The following CYFIP1 variants were observed in gnomAD, a reference collection of about 807,000 sequenced individuals.
The protein encoded by CYFIP1 is cytoplasmic FMR1-interacting protein 1.
In CYFIP1, 58 loss-of-function variants were observed where a neutral mutation model predicts 163.5. The observed-to-expected ratio is 0.35, with a 90% confidence interval of 0.29 to 0.44. The LOEUF is 0.44. Ranked by LOEUF, CYFIP1 falls within the 20% of genes least tolerant of loss-of-function variation. CYFIP1 has a pLI of 1.00. For synonymous variants in CYFIP1, 663 were observed against 660.7 expected (o/e 1.00, Z -0.05); for missense variants, 1,338 against 1,653.8 (o/e 0.81, Z 3.31).
chr15:22,908,505 A>C (rs1229722769), intron 21 of CYFIP1, among the ~76,000 whole-genome samples: 1 of 146,856 alleles, frequency 6.8e-6, no homozygotes, highest in Non-Finnish European at 1.5e-5. Flanking sequence ...CTTGGTCCCT[A>C]AAGAAGATAT....
chr15:22,920,492 G>C (rs749464493), intron 13 of CYFIP1, among the ~76,000 whole-genome samples: 2 of 151,970 alleles, frequency 1.3e-5, no homozygotes, highest in Non-Finnish European at 2.9e-5. Flanking sequence ...CTGATTCATG[G>C]GTAAATGAAG....
intron 1 of CYFIP1, among the ~76,000 whole-genome samples, chr15:22,955,910 C>T (rs1276178407): frequency 7.1e-6 from 1 of 141,348 alleles, no homozygotes; most frequent in Non-Finnish European, 1.6e-5. Flanking sequence ...AGTGAATCAA[C>T]AGAATTTTTT....
intron 25 of CYFIP1, among the ~76,000 whole-genome samples, chr15:22,880,645 TGACCGCA>T (rs1201319762): frequency 6.6e-6 from 1 of 152,188 alleles, no homozygotes; most frequent in Non-Finnish European, 1.5e-5. Flanking sequence ...AACCGGCAGC[TGACCGCA>T]CAATGAACGT....
intron 1 of CYFIP1, among the ~76,000 whole-genome samples, chr15:22,974,416 A>G (rs2063199675): frequency 6.6e-6 from 1 of 152,162 alleles, no homozygotes; most frequent in African/African-American, 2.4e-5. Flanking sequence ...ATCTCCATTT[A>G]AAAAATAATT....
At position 22,926,218 on chromosome 15, in the gene CYFIP1, G is replaced by A. The variant is rs147740416; in HGVS notation, c.1234-111C>T. The A allele has an allele frequency of 9.9e-4, 1,490 of 1,503,468 alleles. 5 individuals are homozygous for A. The highest frequency in any genetic ancestry group is 1.0e-3 in the Non-Finnish European group (1,124 of 1,104,432). 93.1% of individuals were successfully genotyped at this position (1,503,468 alleles called of 1,614,324 possible). ...CCAGGCCAGCCTTCAAACCTTTGCTGCATTCTGAAAGTCACACATGAGGGC... is the reference window on the plus strand; with the variant it reads ...CCAGGCCAGCCTTCAAACCTTTGCTACATTCTGAAAGTCACACATGAGGGC... On this transcript the variant is annotated intron_variant, in intron 12 of 30. Coordinates refer to ENST00000617928, the MANE Select transcript of CYFIP1 (RefSeq NM_014608.6).
rs530317169 is a variant in CYFIP1, at chr15:22,867,581, G to A, written c.*2447C>T. On this transcript the variant is annotated 3_prime_UTR_variant, in exon 31 of 31. Transcript: ENST00000617928. Reference sequence around the variant, plus strand: ...CATGATGCCTGGAACCTTGATTACCGTTTTACATCAGCTCTTGTACTTTTC... The same window carrying A: ...CATGATGCCTGGAACCTTGATTACCATTTTACATCAGCTCTTGTACTTTTC... The A allele has an allele frequency of 2.2e-4, 42 of 188,306 alleles. No homozygotes were observed. Among genetic ancestry groups the A allele is most frequent in the South Asian group, 3.9e-4 (2 of 5,122 alleles). The allele number at this position is 188,306 out of a possible 1,614,324, so 11.7% of individuals were successfully genotyped here. A position where few individuals can be genotyped will look rare whatever the true frequency, so the allele number is the denominator to read the frequency against.
intron 1 of CYFIP1, among the ~76,000 whole-genome samples, chr15:22,952,202 G>A (rs1263835458): frequency 6.6e-6 from 1 of 152,118 alleles, no homozygotes; most frequent in Non-Finnish European, 1.5e-5. Flanking sequence ...GAGACAGAAA[G>A]GAGAACAGTG....
intron 26 of CYFIP1, among the ~76,000 whole-genome samples, chr15:22,879,030 T>G (rs2059669679): frequency 1.3e-5 from 2 of 151,440 alleles, no homozygotes; most frequent in Non-Finnish European, 2.9e-5. Context: ...CAGCTACTTC[T>G]GAGGCGGAGG....
rs199855104 is a variant in CYFIP1, at chr15:22,872,984, A to C, written c.3450-12T>G. 53 of 1,612,624 alleles carry C rather than the reference A, an allele frequency of 3.3e-5. No individual in the cohort carries two copies. The highest frequency in any genetic ancestry group is 9.4e-5 in the African/African-American group (7 of 74,832). ...CACCAAAGCACTGCCTAGGAACAAG[A>C]AGCAGAAACAGAATGGGAGATGAGT... On this transcript the variant is annotated splice_polypyrimidine_tract_variant and intron_variant, in intron 29 of 30. Transcript: ENST00000617928.
At chr15:22,875,090 G>A in intron 27 of CYFIP1, 109 bp downstream of exon 27, 2 of 992,682 alleles carry the variant, frequency 2.0e-6, no homozygotes, top group Non-Finnish European at 3.2e-6. Flanking sequence ...TGACTGAACA[G>A]GCGCCAAACC....
intron 4 of CYFIP1, 91 bp downstream of exon 4, chr15:22,944,771 G>C (rs1385436291): frequency 1.3e-6 from 2 of 1,520,940 alleles, no homozygotes; most frequent in African/African-American, 1.4e-5. Flanking sequence ...ACTGGGAGGA[G>C]AGTGGGCCAG....
rs2060823927 is a variant in CYFIP1 at position 22,912,551 on chromosome 15, T to C, written c.1986-276A>G. On this transcript the variant is annotated intron_variant, in intron 17 of 30. Transcript: ENST00000617928. Reference sequence around the variant, plus strand: ...CTCCACCTGCCTGCATCTTCTCACTTAGCAGACTTTAAAATATTTCACTAC... The same window carrying C: ...CTCCACCTGCCTGCATCTTCTCACTCAGCAGACTTTAAAATATTTCACTAC... Among the ~76,000 whole-genome samples the C allele has an allele frequency of 1.3e-5, 2 of 152,220 alleles. 1 individual carries two copies. Among genetic ancestry groups the C allele is most frequent in the Admixed American group, 1.3e-4 (2 of 15,282 alleles).
chr15:22,890,602 A>T (rs2060051067), intron 23 of CYFIP1, among the ~76,000 whole-genome samples: 1 of 152,124 alleles, frequency 6.6e-6, no homozygotes, highest in Non-Finnish European at 1.5e-5. Flanking sequence ...GTGTCCACTC[A>T]CAGTTCCACA....
chr15:22,967,560 C>T (rs548450637), intron 1 of CYFIP1, among the ~76,000 whole-genome samples: 5 of 152,054 alleles, frequency 3.3e-5, no homozygotes, highest in Non-Finnish European at 7.4e-5. Context: ...GGCCCGGCCC[C>T]ACCACAGCCC....
Position 22,921,784 on chromosome 15 carries a change from A to AAAAAAAAAGAC in CYFIP1, c.1360-2927_1360-2926insGTCTTTTTTTT, listed in dbSNP as rs1555409979. On this transcript the variant is annotated intron_variant, in intron 13 of 30. Coordinates refer to ENST00000617928, the MANE Select transcript of CYFIP1 (RefSeq NM_014608.6). Reference sequence around the variant, plus strand: ...TGTCTCAAAAAAAAAAAAAAAAAAAAAGAAGCACGAGTTACCAGCATTAAG... The same window carrying AAAAAAAAAGAC: ...TGTCTCAAAAAAAAAAAAAAAAAAAAAAAAAAAAGACAGAAGCACGAGTTACCAGCATTAAG... Among the ~76,000 whole-genome samples the AAAAAAAAAGAC allele has an allele frequency of 7.0e-5, 10 of 142,228 alleles. 2 individuals are homozygous for AAAAAAAAAGAC. The highest frequency in any genetic ancestry group is 5.2e-5 in the African/African-American group (2 of 38,352). 93.3% of individuals were successfully genotyped at this position (142,228 alleles called of 152,430 possible). A position where few individuals can be genotyped will look rare whatever the true frequency, so the allele number is the denominator to read the frequency against.
intron 17 of CYFIP1, among the ~76,000 whole-genome samples, chr15:22,913,576 T>A (rs1293440970): frequency 2.6e-3 from 117 of 45,670 alleles, no homozygotes; most frequent in Non-Finnish European, 3.2e-3. Flanking sequence ...AAAGAAAAAA[T>A]TACACCAACG....
intron 1 of CYFIP1, among the ~76,000 whole-genome samples, chr15:22,965,542 G>T (rs758422502): frequency 4.6e-5 from 7 of 152,178 alleles, no homozygotes; most frequent in Non-Finnish European, 1.0e-4. Context: ...GTGGAGCCTA[G>T]GCGTGCAGCA....
chr15:22,965,877 A>T (rs945528647), intron 1 of CYFIP1, among the ~76,000 whole-genome samples: 1 of 152,160 alleles, frequency 6.6e-6, no homozygotes, highest in Non-Finnish European at 1.5e-5. Context: ...GGCGATAATG[A>T]AGAGCCCACG....
Position 22,903,973 on chromosome 15 carries a change from C to G in CYFIP1, c.2389-68G>C, listed in dbSNP as rs1305700643. On this transcript the variant is annotated intron_variant, in intron 21 of 30. Coordinates refer to ENST00000617928, the MANE Select transcript of CYFIP1 (RefSeq NM_014608.6). ...GCAGGAAGGAGGCGCCGAGTGGCCT[C>G]TGATCCCACCCAGGCCTCACAGTCC... 5.5e-6 allele frequency: 8 copies of G among 1,445,908 alleles called. 1 individual carries two copies. The highest frequency in any genetic ancestry group is 5.7e-6 in the Non-Finnish European group (6 of 1,047,634). 89.6% of individuals were successfully genotyped at this position (1,445,908 alleles called of 1,614,324 possible).
Sources: allele counts gnomAD v4.1 joint callset (sites outside exome capture counted in the v4.1 genomes callset), GRCh38; gene constraint gnomAD v4.1.1; transcripts MANE v1.5; gene names NCBI Gene and HGNC (gene_info 2026-07-23, HGNC 2026-07-21).